Variants in CCSER1 observed in about 807,000 individuals in gnomAD.
The protein encoded by CCSER1 is serine-rich coiled-coil domain-containing protein 1.
In CCSER1, 41 loss-of-function variants were observed where a neutral mutation model predicts 82.0. The ratio of observed to expected loss-of-function variants is 0.50; its 90% CI spans 0.39 to 0.65. The LOEUF (loss-of-function observed/expected upper bound fraction) is 0.65, where lower values mean the gene tolerates loss of function less well. Ranked by LOEUF, CCSER1 falls within the 30% of genes least tolerant of loss-of-function variation. The pLI, the probability that CCSER1 is intolerant of heterozygous loss-of-function variation, is 0.00. For missense variants in CCSER1, 1,119 were observed against 1,064.2 expected (o/e 1.05, Z -0.72); for synonymous variants, 414 against 383.9 (o/e 1.08, Z -0.92).
chr4:91,027,930 T>A (rs2150546859), intron 9 of CCSER1, among the ~76,000 whole-genome samples: 1 of 152,220 alleles, frequency 6.6e-6, no homozygotes, highest in Admixed American at 6.6e-5. Flanking sequence ...TGTTGCAATG[T>A]CATTCTGCTG....
At chr4:90,925,589 A>G (rs576468734) in intron 9 of CCSER1, among the ~76,000 whole-genome samples, 2 of 152,276 alleles carry the variant, frequency 1.3e-5, no homozygotes, top group South Asian at 2.1e-4. Flanking sequence ...TTCTAACACC[A>G]TAGTTACCAG....
intron 8 of CCSER1, among the ~76,000 whole-genome samples, chr4:90,917,419 A>T (rs1371136662): frequency 6.6e-6 from 1 of 152,170 alleles, no homozygotes; most frequent in African/African-American, 2.4e-5. Context: ...CAAGGACAAA[A>T]AAACAAACAC....
intron 7 of CCSER1, among the ~76,000 whole-genome samples, chr4:90,742,525 C>T (rs989812295): frequency 6.6e-6 from 1 of 152,206 alleles, no homozygotes; most frequent in East Asian, 1.9e-4. Context: ...AACATGTGAG[C>T]ACTCAGAGGG....
intron 10 of CCSER1, among the ~76,000 whole-genome samples, chr4:91,168,179 CA>C (rs1732333824): frequency 1.5e-5 from 2 of 136,590 alleles, no homozygotes; most frequent in Non-Finnish European, 1.6e-5. Context: ...CCCGGCCGCC[CA>C]TCGTCTGGGA....
chr4:90,309,784 A>T (rs967049304), intron 2 of CCSER1, among the ~76,000 whole-genome samples, 176 bp downstream of exon 2: 1 of 152,102 alleles, frequency 6.6e-6, no homozygotes, highest in African/African-American at 2.4e-5. Flanking sequence ...TTAAACTTAC[A>T]TCAATTGTGT....
chr4:91,297,385 A>ATGTGTGTGTGTGTGTGTGTATGTG (rs1744284621), intron 10 of CCSER1, among the ~76,000 whole-genome samples: 1 of 117,988 alleles, frequency 8.5e-6, no homozygotes, highest in Non-Finnish European at 1.9e-5. Flanking sequence ...GTGTGTGTGT[A>ATGTGTGTGTGTGTGTGTGTATGTG]TGTGTGTGTG....
chr4:91,007,224 C>A (rs945665848), intron 9 of CCSER1, among the ~76,000 whole-genome samples: 4 of 152,098 alleles, frequency 2.6e-5, no homozygotes, highest in African/African-American at 9.7e-5. Context: ...CATCTGTGTT[C>A]ATCAGAAATA....
intron 10 of CCSER1, among the ~76,000 whole-genome samples, chr4:91,433,090 C>A (rs909040494): frequency 3.3e-5 from 5 of 152,026 alleles, no homozygotes; most frequent in African/African-American, 1.2e-4. Flanking sequence ...TTAATTTACT[C>A]TTTATTATAT....
intron 10 of CCSER1, among the ~76,000 whole-genome samples, chr4:91,150,413 T>G (rs1343407111): frequency 6.6e-6 from 1 of 152,210 alleles, no homozygotes; most frequent in Non-Finnish European, 1.5e-5. Flanking sequence ...TATACAATCA[T>G]GTCATCTGCA....
chr4:90,731,864 A>G (rs191599803), intron 7 of CCSER1, among the ~76,000 whole-genome samples: 1 of 152,272 alleles, frequency 6.6e-6, no homozygotes, highest in East Asian at 1.9e-4. Context: ...CTGTAGGTCG[A>G]CTAGACTCAT....
chr4:91,063,133 C>T (rs2148742923), intron 9 of CCSER1, among the ~76,000 whole-genome samples: 1 of 152,120 alleles, frequency 6.6e-6, no homozygotes, highest in South Asian at 2.1e-4. Context: ...GTTTCGTGTT[C>T]CCAACCAAAG....
At chr4:90,614,152 T>C (rs1720773869) in intron 5 of CCSER1, among the ~76,000 whole-genome samples, 1 of 152,196 alleles carries the variant, frequency 6.6e-6, no homozygotes, top group Non-Finnish European at 1.5e-5. Flanking sequence ...TGGTGATCTA[T>C]GATCAGCAAT....
chr4:91,027,542 A>T (rs879921721), intron 9 of CCSER1, among the ~76,000 whole-genome samples: 2 of 152,056 alleles, frequency 1.3e-5, no homozygotes, highest in Non-Finnish European at 2.9e-5. Flanking sequence ...ATGAAGTGAA[A>T]TGTCTTTTTG....
At chr4:90,785,683 A>G (rs898205618) in intron 7 of CCSER1, among the ~76,000 whole-genome samples, 1 of 152,004 alleles carries the variant, frequency 6.6e-6, no homozygotes, top group Non-Finnish European at 1.5e-5. Flanking sequence ...TCCAATGCCA[A>G]TTAAAACTAT....
rs146289115 is a variant in CCSER1, at chr4:90,284,738, C to T, written c.-41-23506C>T. ...GAACTGCTGAGCTCAAGCAATCTGC[C>T]CACCTTGGCCTCCCAAAATGCTGGG... is the stretch of plus-strand genomic sequence containing the variant. On this transcript the variant is annotated intron_variant, in intron 1 of 10. Transcript: ENST00000509176. Among the ~76,000 whole-genome samples, 598 of 152,064 alleles carry T rather than the reference C, an allele frequency of 3.9e-3. 2 individuals are homozygous for T. The highest frequency in any genetic ancestry group is 0.014 in the African/African-American group (578 of 41,516).
intron 9 of CCSER1, among the ~76,000 whole-genome samples, chr4:90,984,453 C>T (rs1162948139): frequency 3.3e-5 from 5 of 151,680 alleles, no homozygotes; most frequent in Admixed American, 1.3e-4. Context: ...CAGTAGCTTT[C>T]GTGTCTCCCC....
At chr4:90,830,709 A>G (rs1353001918) in intron 8 of CCSER1, among the ~76,000 whole-genome samples, 46 of 152,276 alleles carry the variant, frequency 3.0e-4, no homozygotes, top group Non-Finnish European at 1.3e-4. Flanking sequence ...ATGAACTTGA[A>G]TCAGTAAAGT....
chr4:90,617,233 TA>T (rs1721457383), intron 5 of CCSER1, among the ~76,000 whole-genome samples: 1 of 152,150 alleles, frequency 6.6e-6, no homozygotes, highest in Non-Finnish European at 1.5e-5. Context: ...TGGGGGGAAT[TA>T]TTTTTTTTTC....
chr4:91,120,470 T>C (rs755539540), intron 10 of CCSER1, among the ~76,000 whole-genome samples: 1 of 151,964 alleles, frequency 6.6e-6, no homozygotes, highest in Non-Finnish European at 1.5e-5. Flanking sequence ...AATCAAAGAT[T>C]ATTGCAAGGT....
Sources: gnomAD v4.1 joint callset for allele counts (sites outside exome capture counted in the v4.1 genomes callset) on GRCh38, gnomAD v4.1.1 for gene constraint, MANE v1.5 for transcripts, NCBI Gene and HGNC (gene_info 2026-07-23, HGNC 2026-07-21) for gene names.